Variants in SRPK2 observed in about 807,000 individuals in gnomAD.
SRPK2 encodes the protein SRSF protein kinase 2, also known as SFRS protein kinase 2.
SRPK2 carries 21 observed loss-of-function variants against 90.8 expected under a neutral mutation model. The observed-to-expected ratio is 0.23, with a 90% CI of 0.16 to 0.33. The LOEUF (loss-of-function observed/expected upper bound fraction) is 0.33, where lower values mean the gene tolerates loss of function less well. Ranked by LOEUF, SRPK2 falls within the 10% of genes least tolerant of loss-of-function variation. The probability of loss-of-function intolerance (pLI) is 1.00; values close to 1 mark genes in which losing one functional copy is unlikely to be tolerated. For synonymous variants in SRPK2, 288 were observed against 311.1 expected (o/e 0.93, Z 0.78); for missense variants, 620 against 869.0 (o/e 0.71, Z 3.60).
At chr7:105,136,637 A>G (rs993069884) in intron 11 of SRPK2, among the ~76,000 whole-genome samples, 2 of 152,208 alleles carry the variant, frequency 1.3e-5, no homozygotes, top group African/African-American at 4.8e-5. Flanking sequence ...GATGGTAGCC[A>G]ACAGTGCCTC....
intron 2 of SRPK2, among the ~76,000 whole-genome samples, chr7:105,306,064 T>C (rs1359706593): frequency 1.3e-5 from 2 of 152,122 alleles, no homozygotes; most frequent in Non-Finnish European, 2.9e-5. Context: ...AGTGGGATAT[T>C]TTGGGGTGGC....
intron 3 of SRPK2, among the ~76,000 whole-genome samples, chr7:105,201,819 GGCT>G (rs1795598609): frequency 6.6e-6 from 1 of 152,058 alleles, no homozygotes; most frequent in South Asian, 2.1e-4. Flanking sequence ...AGGAGGTTGA[GGCT>G]GCAGTGAGCT....
chr7:105,381,810 A>G (rs1338991037), intron 2 of SRPK2, among the ~76,000 whole-genome samples: 1 of 152,222 alleles, frequency 6.6e-6, no homozygotes, highest in Non-Finnish European at 1.5e-5. Context: ...ACTACAGGGA[A>G]GTATAAATTC....
chr7:105,383,052 A>ATTTTTTTTTTTTTT lies in SRPK2; in HGVS notation c.71+5595_71+5596insAAAAAAAAAAAAAA, dbSNP rs1563315577. Among the ~76,000 whole-genome samples the ATTTTTTTTTTTTTT allele has an allele frequency of 1.7e-4, 18 of 105,322 alleles. 4 individuals are homozygous for ATTTTTTTTTTTTTT. Among genetic ancestry groups the ATTTTTTTTTTTTTT allele is most frequent in the African/African-American group, 5.6e-4 (15 of 26,556 alleles). 69.1% of individuals were successfully genotyped at this position (105,322 alleles called of 152,430 possible). ...AGTCTGAAATTATTTCAAAAGTAAA[A>ATTTTTTTTTTTTTT]ATTTTTTTTTTTTTTTTTTTTTTTT... On this transcript the variant is annotated intron_variant, in intron 2 of 15. Transcript: ENST00000393651.
intron 3 of SRPK2, among the ~76,000 whole-genome samples, chr7:105,188,599 A>G (rs541654557): frequency 2.6e-5 from 4 of 152,340 alleles, no homozygotes; most frequent in African/African-American, 9.6e-5. Context: ...CTGGAACTCC[A>G]TTACTTCATT....
chr7:105,178,643 A>T (rs1345671081), intron 3 of SRPK2, among the ~76,000 whole-genome samples: 1 of 152,034 alleles, frequency 6.6e-6, no homozygotes, highest in Non-Finnish European at 1.5e-5. Context: ...AAAGAGTGAG[A>T]GTCCCCCATC....
intron 2 of SRPK2, among the ~76,000 whole-genome samples, chr7:105,382,952 G>A (rs1821112213): frequency 6.6e-6 from 1 of 151,188 alleles, no homozygotes; most frequent in Non-Finnish European, 1.5e-5. Context: ...ATGTTCTATG[G>A]TTAAGATATC....
intron 2 of SRPK2, among the ~76,000 whole-genome samples, chr7:105,238,330 T>C (rs1647042191): frequency 6.6e-6 from 1 of 152,200 alleles, no homozygotes; most frequent in African/African-American, 2.4e-5. Context: ...GGAGTCAGCA[T>C]AAAGCACTGC....
At chr7:105,118,975 A>C (rs1211408704) in intron 15 of SRPK2, among the ~76,000 whole-genome samples, 4 of 152,016 alleles carry the variant, frequency 2.6e-5, no homozygotes, top group South Asian at 2.1e-4. Context: ...ACTGTGAATA[A>C]CTCGTTTTCT....
intron 2 of SRPK2, among the ~76,000 whole-genome samples, chr7:105,307,351 G>A (rs1007551229): frequency 3.3e-5 from 5 of 152,098 alleles, no homozygotes; most frequent in Admixed American, 6.6e-5. Flanking sequence ...ATAAACATAC[G>A]ATAACCCAAA....
intron 2 of SRPK2, among the ~76,000 whole-genome samples, chr7:105,361,632 G>C (rs541260693): frequency 6.6e-6 from 1 of 152,198 alleles, no homozygotes; most frequent in Non-Finnish European, 1.5e-5. Flanking sequence ...CAGATATATA[G>C]ATCAATGGAA....
At chr7:105,141,055 A>C (rs1026146541) in intron 11 of SRPK2, among the ~76,000 whole-genome samples, 2 of 152,228 alleles carry the variant, frequency 1.3e-5, no homozygotes, top group African/African-American at 4.8e-5. Flanking sequence ...GCCCTTTCCC[A>C]GAAATTAACC....
chr7:105,354,880 A>G (rs925173760), intron 2 of SRPK2, among the ~76,000 whole-genome samples: 3 of 152,156 alleles, frequency 2.0e-5, no homozygotes, highest in African/African-American at 7.2e-5. Context: ...CATACCCATC[A>G]ACAGGCACGC....
At chr7:105,308,314 T>C (rs1332922103) in intron 2 of SRPK2, among the ~76,000 whole-genome samples, 3 of 152,206 alleles carry the variant, frequency 2.0e-5, no homozygotes, top group Non-Finnish European at 4.4e-5. Context: ...TCCCAAGCAT[T>C]GAAAAGATTA....
At position 105,117,595 on chromosome 7, in the gene SRPK2, G is replaced by C; in HGVS notation, c.*243C>G. On this transcript the variant is annotated 3_prime_UTR_variant, in exon 16 of 16. Transcript: ENST00000393651. ...CACAACACAAGAAACAATGCTTAGA[G>C]ACATGTTATTGTTTCCAGAAGAAAA... 1 of 522,214 alleles carries C rather than the reference G, an allele frequency of 1.9e-6. No individual in the cohort carries two copies. The highest frequency in any genetic ancestry group is 2.6e-5 in the South Asian group (1 of 39,028). The allele number at this position is 522,214 out of a possible 1,614,324, so 32.3% of individuals were successfully genotyped here.
At chr7:105,125,955 C>A (rs932772288) in intron 15 of SRPK2, 11 of 745,256 alleles carry the variant, frequency 1.5e-5, no homozygotes, top group Non-Finnish European at 2.3e-5. Context: ...TACCACCGCC[C>A]GCGCAGACAG....
intron 2 of SRPK2, among the ~76,000 whole-genome samples, chr7:105,274,672 C>G (rs1008096980): frequency 2.0e-5 from 3 of 151,164 alleles, no homozygotes; most frequent in Non-Finnish European, 4.4e-5. Context: ...CTCACCAAAT[C>G]ACCACATCCA....
chr7:105,216,478 C>T (rs1244922406), intron 2 of SRPK2, among the ~76,000 whole-genome samples: 1 of 151,994 alleles, frequency 6.6e-6, no homozygotes, highest in Non-Finnish European at 1.5e-5. Context: ...ATGGTGAAAA[C>T]TCATCTCTAT....
chr7:105,297,730 G>A (rs1012281373), intron 2 of SRPK2, among the ~76,000 whole-genome samples: 4 of 143,196 alleles, frequency 2.8e-5, no homozygotes, highest in Non-Finnish European at 6.0e-5. Flanking sequence ...CTTTAATTAA[G>A]CTGTAAATTT....
Sources: allele counts gnomAD v4.1 joint callset (sites outside exome capture counted in the v4.1 genomes callset), GRCh38; gene constraint gnomAD v4.1.1; transcripts MANE v1.5; gene names NCBI Gene and HGNC (gene_info 2026-07-23, HGNC 2026-07-21).